The following SETD2 variants were observed in gnomAD, a reference collection of about 807,000 sequenced individuals.
SETD2 encodes histone-lysine N-methyltransferase SETD2.
SETD2 carries 31 observed loss-of-function variants against 242.1 expected under a neutral mutation model. The observed-to-expected ratio is 0.13, with a 90% CI of 0.10 to 0.17. The LOEUF is 0.17. SETD2 is among the 10% of genes least tolerant of loss of function. SETD2 has a pLI of 1.00. For synonymous variants in SETD2, 1,006 were observed against 1,066.5 expected (o/e 0.94, Z 1.11); for missense variants, 2,481 against 3,046.3 (o/e 0.81, Z 4.37).
chr3:47,048,319 G>T (rs996549515), intron 15 of SETD2, among the ~76,000 whole-genome samples: 6 of 152,160 alleles, frequency 3.9e-5, no homozygotes, highest in Non-Finnish European at 1.5e-5. Flanking sequence ...AACCCAGGAG[G>T]TAGAGGTTGC....
At chr3:47,134,892 G>A (rs1014869581) in intron 1 of SETD2, among the ~76,000 whole-genome samples, 7 of 152,098 alleles carry the variant, frequency 4.6e-5, no homozygotes, top group African/African-American at 1.4e-4. Context: ...CCAAAGTGCT[G>A]GGATTATAGG....
intron 17 of SETD2, among the ~76,000 whole-genome samples, chr3:47,039,188 T>C (rs1238197276): frequency 6.6e-6 from 1 of 152,010 alleles, no homozygotes; most frequent in East Asian, 1.9e-4. Context: ...ATGGGAAAGG[T>C]ACACATATAA....
At chr3:47,094,191 G>A (rs1239635744) in intron 9 of SETD2, among the ~76,000 whole-genome samples, 1 of 152,008 alleles carries the variant, frequency 6.6e-6, no homozygotes, top group Non-Finnish European at 1.5e-5. Context: ...TTTTCTGTTC[G>A]TACCATAAAC....
chr3:47,117,773 A>T (rs1311890634), intron 3 of SETD2, among the ~76,000 whole-genome samples: 2 of 152,248 alleles, frequency 1.3e-5, no homozygotes, highest in African/African-American at 4.8e-5. Flanking sequence ...ATAAACTGCT[A>T]AAATTTGATT....
chr3:47,018,112 A>G (rs2038059546), intron 19 of SETD2, among the ~76,000 whole-genome samples: 1 of 152,224 alleles, frequency 6.6e-6, no homozygotes, highest in Non-Finnish European at 1.5e-5. Context: ...GGCAGAGCAC[A>G]GCAGGTGTTC....
chr3:47,142,015 T>C (rs539398886), intron 1 of SETD2, among the ~76,000 whole-genome samples: 25 of 152,258 alleles, frequency 1.6e-4, no homozygotes, highest in Admixed American at 1.5e-3. Flanking sequence ...AATGATAATA[T>C]AGGATGATTG....
At chr3:47,082,665 A>G (rs1427113743) in intron 12 of SETD2, among the ~76,000 whole-genome samples, 1 of 152,252 alleles carries the variant, frequency 6.6e-6, no homozygotes, top group Admixed American at 6.5e-5. Flanking sequence ...TGAAAGTAAC[A>G]TGAGTAAGAG....
chr3:47,050,723 C>CCTTT (rs1483439791), intron 15 of SETD2, among the ~76,000 whole-genome samples: 1 of 66,878 alleles, frequency 1.5e-5, no homozygotes. Context: ...TTTCCTCTCT[C>CCTTT]TTTTTTTTTT....
At chr3:47,034,562 CT>C (rs1159534348) in intron 18 of SETD2, among the ~76,000 whole-genome samples, 4 of 152,166 alleles carry the variant, frequency 2.6e-5, no homozygotes, top group African/African-American at 7.2e-5. Flanking sequence ...ACTCAGGAGG[CT>C]GAGACGAAAG....
Position 47,164,030 on chromosome 3 carries a change from G to A in SETD2, c.-106C>T. Reference sequence around the variant, plus strand: ...GTCCGACCGCGGCGGCGGCGGCGGCGGCGGCGGCGGCGGCAGGGGCGGCCC... The same window carrying A: ...GTCCGACCGCGGCGGCGGCGGCGGCAGCGGCGGCGGCGGCAGGGGCGGCCC... On this transcript the variant is annotated 5_prime_UTR_variant, in exon 1 of 21. Transcript: ENST00000409792. This position sits in a 1 kb window ranked among gnomAD's most constrained non-coding sequence, Gnocchi z 5.4. 2 of 1,224,026 alleles carry A rather than the reference G, an allele frequency of 1.6e-6. 1 individual carries two copies. The allele number at this position is 1,224,026 out of a possible 1,614,324, so 75.8% of individuals were successfully genotyped here.
At chr3:47,109,090 GCT>G (rs2042552305) in intron 5 of SETD2, among the ~76,000 whole-genome samples, 1 of 152,074 alleles carries the variant, frequency 6.6e-6, no homozygotes, top group African/African-American at 2.4e-5. Flanking sequence ...GGGCAACAGG[GCT>G]CTACTATGGC....
intron 15 of SETD2, among the ~76,000 whole-genome samples, chr3:47,051,802 A>G (rs1418314501): frequency 6.6e-6 from 1 of 152,194 alleles, no homozygotes; most frequent in African/African-American, 2.4e-5. Context: ...CCAAATGTAC[A>G]ATAGAAAACT....
intron 15 of SETD2, among the ~76,000 whole-genome samples, chr3:47,055,638 A>G (rs1196805480): frequency 6.6e-6 from 1 of 151,914 alleles, no homozygotes; most frequent in Non-Finnish European, 1.5e-5. Context: ...GGCTGTAGTG[A>G]GCTATGATCG....
Position 47,123,676 on chromosome 3 carries a change from A to C in SETD2, c.960T>G (p.Gly320=), listed in dbSNP as rs767471789. The change falls in exon 3 of 21, where the codon GGT becomes GGG. Residue 320 remains glycine, a synonymous_variant. Coordinates refer to ENST00000409792, the MANE Select transcript of SETD2 (RefSeq NM_014159.7). ...GTACAGAATCTTCATCAGATTCTGA[A>C]CCAAGAAAGATGCCTTCAGATTGTG... ...KSSQSEGIFL[G]SESDEDSVRT... The C allele has an allele frequency of 6.4e-7, 1 of 1,551,188 alleles. No individual in the cohort carries two copies. Among genetic ancestry groups the C allele is most frequent in the African/African-American group, 1.4e-5 (1 of 73,132 alleles).
At position 47,045,064 on chromosome 3, in the gene SETD2, G is replaced by A. The variant is rs192909987; in HGVS notation, c.7098+1423C>T. ...GATAAGGGATACTCAACCTGTACGC[G>A]GTAAATACTGATAGATAGCTGGTCT... On this transcript the variant is annotated intron_variant, in intron 16 of 20. Coordinates refer to ENST00000409792, the MANE Select transcript of SETD2 (RefSeq NM_014159.7). Among the ~76,000 whole-genome samples the A allele has an allele frequency of 5.6e-4, 86 of 152,260 alleles. 2 individuals are homozygous for A. The highest frequency in any genetic ancestry group is 2.1e-4 in the South Asian group (1 of 4,828).
At chr3:47,057,756 A>G (rs1041448593) in intron 14 of SETD2, among the ~76,000 whole-genome samples, 4 of 152,242 alleles carry the variant, frequency 2.6e-5, no homozygotes, top group African/African-American at 4.8e-5. Context: ...AGATAGATAC[A>G]GCATCCTATT....
intron 1 of SETD2, among the ~76,000 whole-genome samples, chr3:47,142,015 T>G (rs539398886): frequency 6.6e-6 from 1 of 152,140 alleles, no homozygotes; most frequent in Non-Finnish European, 1.5e-5. Context: ...AATGATAATA[T>G]AGGATGATTG....
chr3:47,046,419 C>T (rs1469102769), intron 16 of SETD2, 68 bp downstream of exon 16: 2 of 1,369,378 alleles, frequency 1.5e-6, no homozygotes, highest in Non-Finnish European at 1.9e-6. Flanking sequence ...CAAATCCAAA[C>T]CAAAAAGAAA....
At chr3:47,066,451 G>A (rs568004165) in intron 13 of SETD2, among the ~76,000 whole-genome samples, 12 of 152,244 alleles carry the variant, frequency 7.9e-5, no homozygotes, top group Admixed American at 7.9e-4. Context: ...AGGCTCAGGT[G>A]ATCCTCCTAC....
Sources: allele counts gnomAD v4.1 joint callset (sites outside exome capture counted in the v4.1 genomes callset), GRCh38; gene constraint gnomAD v4.1.1; non-coding constraint Gnocchi (gnomAD v3.1); transcripts MANE v1.5; gene names NCBI Gene and HGNC (gene_info 2026-07-23, HGNC 2026-07-21).